Variants in EYS observed in about 807,000 individuals in gnomAD.
EYS encodes protein eyes shut homolog.
Under a neutral mutation model 282.1 loss-of-function variants are expected in EYS, and 250 were observed. The ratio of observed to expected loss-of-function variants is 0.89; its 90% CI spans 0.80 to 0.98. The LOEUF (loss-of-function observed/expected upper bound fraction) is 0.98. Ranked by LOEUF, EYS falls within the 50% of genes least tolerant of loss-of-function variation. The pLI, the probability that EYS is intolerant of heterozygous loss-of-function variation, is 0.00. For missense variants in EYS, 4,016 were observed against 3,709.0 expected, an observed-to-expected ratio of 1.08 and a Z score of -2.15; for synonymous variants, 1,355 against 1,282.9, an observed-to-expected ratio of 1.06 and a Z score of -1.20.
rs571918980 is a variant in EYS, at chr6:64,427,846, G to C, written c.5927+8328C>G. ...GGATATGTTCTTTTCAAACTGAAAGGAATTTGATAGTATTTGTAAAATGAC... is the reference window on the plus strand; with the variant it reads ...GGATATGTTCTTTTCAAACTGAAAGCAATTTGATAGTATTTGTAAAATGAC... On this transcript the variant is annotated intron_variant, in intron 28 of 42. Transcript: ENST00000503581. 9.9e-5 allele frequency among the ~76,000 whole-genome samples: 15 copies of C among 152,100 alleles called. No individual in the cohort carries two copies. In the South Asian group the frequency reaches 3.1e-3, roughly 32 times the overall value.
intron 37 of EYS, among the ~76,000 whole-genome samples, chr6:63,795,815 G>C (rs1770630958): frequency 6.6e-6 from 1 of 152,106 alleles, no homozygotes. Flanking sequence ...GTAAGCCCAG[G>C]AGAAACTGTG....
intron 39 of EYS, among the ~76,000 whole-genome samples, chr6:63,781,588 C>T: frequency 6.6e-6 from 1 of 152,128 alleles, no homozygotes; most frequent in Admixed American, 6.6e-5. Flanking sequence ...GTGATTTTTG[C>T]ACATTAATTT....
At position 63,720,871 on chromosome 6, in the gene EYS, T is replaced by A; in HGVS notation, c.9160A>T (p.Thr3054Ser). The A allele has an allele frequency of 6.4e-7, 1 of 1,550,948 alleles. No homozygotes were observed. The highest frequency in any genetic ancestry group is 1.4e-5 in the African/African-American group (1 of 73,080). Residue 3054 changes from threonine (T) to serine (S), a missense_variant, in exon 43 of 43, where the codon ACT becomes TCT. Coordinates refer to ENST00000503581, the MANE Select transcript of EYS (RefSeq NM_001142800.2). The stretch of plus-strand genomic sequence containing the variant: ...TTATTTATGTAGGCCTTGATAAGAG[T>A]CTGATTTTGAATTACAACTACATGG... ...WHHVVVIQNQ[T>S]LIKAYINNSL...
intron 33 of EYS, among the ~76,000 whole-genome samples, chr6:64,046,400 G>T (rs1269169159): frequency 1.3e-5 from 2 of 151,836 alleles, no homozygotes; most frequent in Non-Finnish European, 2.9e-5. Context: ...CATCTATTTG[G>T]ATTCACCAGA....
intron 36 of EYS, among the ~76,000 whole-genome samples, chr6:63,835,777 A>G (rs777804613): frequency 6.6e-6 from 1 of 152,110 alleles, no homozygotes; most frequent in African/African-American, 2.4e-5. Context: ...AATAAGAACC[A>G]TAGGTCAACA....
At chr6:65,072,682 A>C (rs994879148) in intron 12 of EYS, among the ~76,000 whole-genome samples, 4 of 151,854 alleles carry the variant, frequency 2.6e-5, no homozygotes, top group African/African-American at 9.7e-5. Context: ...CAAAATACCA[A>C]TTAGAATACT....
At chr6:64,518,360 G>A (rs540455833) in intron 26 of EYS, among the ~76,000 whole-genome samples, 8 of 151,630 alleles carry the variant, frequency 5.3e-5, no homozygotes, top group South Asian at 2.1e-4. Flanking sequence ...AATCTAGCCC[G>A]GGCTGGATCT....
intron 22 of EYS, among the ~76,000 whole-genome samples, chr6:64,641,004 C>A (rs928591): frequency 3.3e-5 from 5 of 151,410 alleles, no homozygotes; most frequent in Admixed American, 6.6e-5. Flanking sequence ...TTAAATTCTC[C>A]CTAACCAGGT....
chr6:65,643,741 G>A (rs1385382703), intron 1 of EYS, among the ~76,000 whole-genome samples: 4 of 152,054 alleles, frequency 2.6e-5, no homozygotes, highest in Admixed American at 6.6e-5. Flanking sequence ...ACCTGAAGAT[G>A]AATCACATCA....
Position 65,368,679 on chromosome 6 carries a change from T to C in EYS, c.1300-15062A>G, listed in dbSNP as rs11961946. 2.7e-3 allele frequency among the ~76,000 whole-genome samples: 408 copies of C among 151,808 alleles called. 3 individuals are homozygous for C. Among genetic ancestry groups the C allele is most frequent in the African/African-American group, 9.6e-3 (397 of 41,526 alleles). The stretch of plus-strand genomic sequence containing the variant: ...TAATTTAAATTATTAAAATATATCA[T>C]AGAACTAGAAAAACAGTAACACATG... On this transcript the variant is annotated intron_variant, in intron 8 of 42. Transcript: ENST00000503581.
intron 26 of EYS, among the ~76,000 whole-genome samples, chr6:64,528,572 G>A (rs1259195334): frequency 6.6e-6 from 1 of 151,822 alleles, no homozygotes; most frequent in Non-Finnish European, 1.5e-5. Context: ...GTCAAACATT[G>A]AACTAGTCAT....
At chr6:64,795,353 GTGGT>G (rs67512576) in intron 22 of EYS, among the ~76,000 whole-genome samples, 74,767 of 151,610 alleles carry the variant, frequency 0.49, 19,787 homozygotes, top group Admixed American at 0.63. Flanking sequence ...GATGAAGTGG[GTGGT>G]TGGTTGAAAA....
chr6:64,335,249 A>T (rs643583), intron 29 of EYS, among the ~76,000 whole-genome samples: 1 of 121,354 alleles, frequency 8.2e-6, no homozygotes, highest in Non-Finnish European at 1.7e-5. Flanking sequence ...GACTCCCCCC[A>T]CCCCCCCTCC....
At chr6:63,909,806 C>A (rs1350129596) in intron 35 of EYS, among the ~76,000 whole-genome samples, 1 of 152,180 alleles carries the variant, frequency 6.6e-6, no homozygotes, top group East Asian at 1.9e-4. Flanking sequence ...TAGAAGGTGT[C>A]ATCTGGACAT....
chr6:64,564,999 C>A (rs1301782810), intron 26 of EYS, among the ~76,000 whole-genome samples: 1 of 151,986 alleles, frequency 6.6e-6, no homozygotes, highest in African/African-American at 2.4e-5. Context: ...GTATTCAGAT[C>A]CTTTGCGTAA....
intron 2 of EYS, among the ~76,000 whole-genome samples, chr6:65,585,608 T>G (rs1459667877): frequency 1.3e-5 from 2 of 151,918 alleles, no homozygotes; most frequent in Non-Finnish European, 2.9e-5. Context: ...AGTGTACTCT[T>G]TGAAGCAGAA....
At chr6:63,935,950 G>C (rs1765045007) in intron 35 of EYS, among the ~76,000 whole-genome samples, 1 of 152,132 alleles carries the variant, frequency 6.6e-6, no homozygotes, top group Admixed American at 6.6e-5. Flanking sequence ...GATTCACCCT[G>C]TTCCCTCTAC....
chr6:64,513,427 G>A (rs142780548), intron 26 of EYS, among the ~76,000 whole-genome samples: 8 of 152,030 alleles, frequency 5.3e-5, no homozygotes, highest in Non-Finnish European at 8.8e-5. Context: ...ATGTTAAGCA[G>A]AGAGAAAAGT....
intron 31 of EYS, among the ~76,000 whole-genome samples, chr6:64,160,473 A>T (rs1385393220): frequency 6.6e-6 from 1 of 152,156 alleles, no homozygotes; most frequent in East Asian, 1.9e-4. Context: ...GCAAAAATTC[A>T]CTTGTATTTA....
Sources: allele counts gnomAD v4.1 joint callset (sites outside exome capture counted in the v4.1 genomes callset), GRCh38; gene constraint gnomAD v4.1.1; transcripts MANE v1.5; gene names NCBI Gene and HGNC (gene_info 2026-07-23, HGNC 2026-07-21).